Variants in RUBCN observed in about 807,000 individuals in gnomAD.
RUBCN encodes the protein rubicon autophagy regulator.
A neutral mutation model predicts 113.2 loss-of-function variants in RUBCN; 74 were observed. The observed-to-expected ratio is 0.65, with a 90% confidence interval of 0.54 to 0.79. The LOEUF (loss-of-function observed/expected upper bound fraction) is 0.79. Among genes scored for constraint, RUBCN ranks in the 30% least tolerant of loss-of-function variants. RUBCN has a pLI of 0.00. For synonymous variants in RUBCN, 480 were observed against 490.0 expected (o/e 0.98, Z 0.27); for missense variants, 1,109 against 1,251.7 (o/e 0.89, Z 1.72).
chr3:197,736,547 C>A, intron 1 of RUBCN, 108 bp downstream of exon 1: 7 of 1,122,462 alleles, frequency 6.2e-6, no homozygotes, highest in Non-Finnish European at 9.0e-6. Flanking sequence ...CCGTCGTCCT[C>A]AAGACTCGTC....
intron 2 of RUBCN, among the ~76,000 whole-genome samples, chr3:197,706,695 C>CA (rs1265325860): frequency 6.6e-6 from 1 of 151,542 alleles, no homozygotes; most frequent in East Asian, 1.9e-4. Flanking sequence ...AAAAAACAAA[C>CA]AAAAAAAGAG....
rs763725765 is a variant in RUBCN at position 197,705,117 on chromosome 3, G to A, written c.278C>T (p.Pro93Leu). ...CTTCTCCACGTGAAGGGCTGAGTGG[G>A]GACTGAGCCACCGGATGTCTTTCAC... ...QFVKDIRWLS[P>L]HSALHVEKFI... Residue 93 changes from proline (P) to leucine (L), a missense_variant, in exon 3 of 20, where the codon CCC (proline) becomes CTC (leucine). Coordinates refer to ENST00000296343, the MANE Select transcript of RUBCN (RefSeq NM_014687.4). 2.5e-6 allele frequency: 4 copies of A among 1,614,036 alleles called. No individual in the cohort carries two copies. Among genetic ancestry groups the A allele is most frequent in the Non-Finnish European group, 3.4e-6 (4 of 1,179,956 alleles).
chr3:197,674,980 T>C lies in RUBCN; in HGVS notation c.*38A>G, dbSNP rs1439027125. On this transcript the variant is annotated 3_prime_UTR_variant, in exon 20 of 20. Transcript: ENST00000296343. Reference sequence around the variant, plus strand: ...AAGAGTGGCTCAGTTCTGCAACAGGTGTGACCCGGCCCGGAGGGAGGGCTG... The same window carrying C: ...AAGAGTGGCTCAGTTCTGCAACAGGCGTGACCCGGCCCGGAGGGAGGGCTG... 2 of 1,593,326 alleles carry C rather than the reference T, an allele frequency of 1.3e-6. No homozygotes were observed. The highest frequency in any genetic ancestry group is 1.7e-5 in the Admixed American group (1 of 59,000).
At chr3:197,727,858 C>T (rs988485795) in intron 1 of RUBCN, among the ~76,000 whole-genome samples, 1 of 152,256 alleles carries the variant, frequency 6.6e-6, no homozygotes, top group Non-Finnish European at 1.5e-5. Context: ...TAGCAGAATG[C>T]TTTACAAACA....
intron 14 of RUBCN, 127 bp downstream of exon 14, chr3:197,682,343 G>A: frequency 3.6e-6 from 4 of 1,123,900 alleles, no homozygotes; most frequent in African/African-American, 1.5e-5. Flanking sequence ...CCCCCCCTCT[G>A]CCTTTAAATG....
Position 197,675,399 on chromosome 3 carries a change from C to T in RUBCN, c.2740+23G>A, listed in dbSNP as rs748760141. ...GAGCCCTGTGTTCAGGCTCACTTGC[C>T]CGATGCCTGCACCTGCCCTCACCTT... On this transcript the variant is annotated intron_variant, in intron 19 of 19. Transcript: ENST00000296343. The surrounding 1 kb of genome is among the most constrained non-coding windows in gnomAD (Gnocchi z 4.4). 6.3e-7 allele frequency: 1 copy of T among 1,599,468 alleles called. No homozygotes were observed. Among genetic ancestry groups the T allele is most frequent in the Admixed American group, 1.7e-5 (1 of 60,002 alleles).
Position 197,682,588 on chromosome 3 carries a change from T to C in RUBCN, c.2008A>G (p.Ile670Val), listed in dbSNP as rs775902537. 1.9e-6 allele frequency: 3 copies of C among 1,613,944 alleles called. No individual in the cohort carries two copies. Among genetic ancestry groups the C allele is most frequent in the Admixed American group, 3.3e-5 (2 of 59,994 alleles). Reference sequence around the variant, plus strand: ...GCGTGCTGCCCGTCATCCGGTGAGATGGGCAGTGAGTCAGGAATGGGCAGG... The same window carrying C: ...GCGTGCTGCCCGTCATCCGGTGAGACGGGCAGTGAGTCAGGAATGGGCAGG... ...KLLPIPDSLP[I>V]SPDDGQHADI... is the part of the protein sequence containing the mutation. The change falls in exon 14 of 20, where the codon ATC becomes GTC. Residue 670 changes from isoleucine (I) to valine (V), a missense_variant. By Grantham distance (29) the Ile-to-Val change is conservative (BLOSUM62 3). Coordinates refer to ENST00000296343, the MANE Select transcript of RUBCN (RefSeq NM_014687.4).
Position 197,681,893 on chromosome 3 carries a change from T to C in RUBCN, c.2133A>G (p.Lys711=), listed in dbSNP as rs2108850711. ...IFNVHPAPTR[K]IAVAKQNYRC... is the part of the protein sequence containing the mutation. ...GGTAATTCTGCTTGGCCACGGCAATTTTCCTCCTGAGGAAGGGTAAGGACA... is the reference window on the plus strand; with the variant it reads ...GGTAATTCTGCTTGGCCACGGCAATCTTCCTCCTGAGGAAGGGTAAGGACA... Residue 711 remains lysine (K), a synonymous_variant, in exon 15 of 20, where the codon AAA becomes AAG. Coordinates refer to ENST00000296343, the MANE Select transcript of RUBCN (RefSeq NM_014687.4). This position sits in a 1 kb window ranked among gnomAD's most constrained non-coding sequence, Gnocchi z 5.5. 1 of 1,613,802 alleles carries C rather than the reference T, an allele frequency of 6.2e-7. No individual in the cohort carries two copies. The highest frequency in any genetic ancestry group is 8.5e-7 in the Non-Finnish European group (1 of 1,179,884).
chr3:197,669,367 C>T lies in RUBCN; in HGVS notation c.*5651G>A, dbSNP rs1194465256. Among the ~76,000 whole-genome samples the T allele has an allele frequency of 6.6e-6, 1 of 152,210 alleles. No homozygotes were observed. Among genetic ancestry groups the T allele is most frequent in the Admixed American group, 6.5e-5 (1 of 15,282 alleles). On this transcript the variant is annotated 3_prime_UTR_variant, in exon 20 of 20. Transcript: ENST00000296343. The stretch of plus-strand genomic sequence containing the variant: ...CTTAGTCTCCTCTCGTCCGTGACGG[C>T]ATCTCTTTCCTTGTTTTCGAGACCT...
At chr3:197,708,478 A>G (rs770693925) in intron 2 of RUBCN, among the ~76,000 whole-genome samples, 17 of 151,584 alleles carry the variant, frequency 1.1e-4, no homozygotes, top group Non-Finnish European at 2.2e-4. Flanking sequence ...AGTACTGGTT[A>G]AATTAGGGTA....
chr3:197,679,061 T>C (rs1016771565), intron 16 of RUBCN, among the ~76,000 whole-genome samples: 7 of 150,364 alleles, frequency 4.7e-5, no homozygotes, highest in Non-Finnish European at 8.9e-5. Flanking sequence ...TGTCCTACGC[T>C]CTGACAACTG....
At chr3:197,709,472 C>T (rs1580296245) in intron 2 of RUBCN, among the ~76,000 whole-genome samples, 1 of 152,234 alleles carries the variant, frequency 6.6e-6, no homozygotes, top group African/African-American at 2.4e-5. Context: ...CCTCCACCTA[C>T]CAGATTCAAG....
At chr3:197,733,309 C>T (rs1215945285) in intron 1 of RUBCN, among the ~76,000 whole-genome samples, 1 of 151,964 alleles carries the variant, frequency 6.6e-6, no homozygotes, top group African/African-American at 2.4e-5. Context: ...TCTGTCACTA[C>T]AAAAAATCTG....
intron 17 of RUBCN, 114 bp from the exon 18 acceptor site, chr3:197,677,152 C>T: frequency 8.4e-7 from 1 of 1,188,476 alleles, no homozygotes; most frequent in Non-Finnish European, 1.2e-6. Context: ...CACCCATCAG[C>T]CAGCCCAAGG....
At chr3:197,676,093 G>A in intron 18 of RUBCN, 7 of 640,702 alleles carry the variant, frequency 1.1e-5, no homozygotes, top group Non-Finnish European at 1.2e-5. Context: ...ATAACGACGT[G>A]CGTTTGAGGA....
chr3:197,731,559 C>A (rs1157473484), intron 1 of RUBCN, among the ~76,000 whole-genome samples: 1 of 152,196 alleles, frequency 6.6e-6, no homozygotes, highest in East Asian at 1.9e-4. Context: ...CCTCACTTCC[C>A]AGTAGGCGCG....
At chr3:197,689,358 C>T (rs965951454) in intron 11 of RUBCN, among the ~76,000 whole-genome samples, 1 of 152,114 alleles carries the variant, frequency 6.6e-6, no homozygotes, top group Admixed American at 6.6e-5. Context: ...AATTGAAAAA[C>T]ATTTCACATT....
intron 2 of RUBCN, among the ~76,000 whole-genome samples, chr3:197,714,074 TC>T (rs1560451832): frequency 6.6e-6 from 1 of 151,252 alleles, no homozygotes; most frequent in Non-Finnish European, 1.5e-5. Context: ...AGACTCTGTA[TC>T]AAAAAAAAAA....
At chr3:197,677,456 G>A (rs921529552) in intron 17 of RUBCN, 24 bp downstream of exon 17, 7 of 1,605,374 alleles carry the variant, frequency 4.4e-6, no homozygotes, top group African/African-American at 1.3e-5. Context: ...GTGGCCAGAG[G>A]GCTCTAGCTC....
Sources: gnomAD v4.1 joint callset for allele counts (sites outside exome capture counted in the v4.1 genomes callset) on GRCh38, gnomAD v4.1.1 for gene constraint, Gnocchi (gnomAD v3.1) non-coding constraint, MANE v1.5 for transcripts, NCBI Gene and HGNC (gene_info 2026-07-23, HGNC 2026-07-21) for gene names.